Variants in KCND2 observed in about 807,000 individuals in gnomAD.
KCND2 encodes the protein potassium voltage-gated channel subfamily D member 2.
Under a neutral mutation model 54.4 loss-of-function variants are expected in KCND2, and 16 were observed. The ratio of observed to expected loss-of-function variants is 0.29; its 90% CI spans 0.20 to 0.45. The LOEUF is 0.45. KCND2 is among the 20% of genes least tolerant of loss of function. KCND2 has a pLI of 1.00. For synonymous variants in KCND2, 317 were observed against 310.7 expected (o/e 1.02, Z -0.21); for missense variants, 486 against 824.2 (o/e 0.59, Z 5.02).
intron 1 of KCND2, among the ~76,000 whole-genome samples, chr7:120,645,326 G>C (rs1286506818): frequency 6.6e-5 from 10 of 152,060 alleles, no homozygotes. Context: ...TTAATATAGG[G>C]TTCTGTGGCC....
chr7:120,437,733 A>T (rs755208904), intron 1 of KCND2, among the ~76,000 whole-genome samples: 3 of 152,242 alleles, frequency 2.0e-5, no homozygotes, highest in African/African-American at 4.8e-5. Flanking sequence ...ACTGACTGAT[A>T]TAGAATATAT....
intron 2 of KCND2, among the ~76,000 whole-genome samples, chr7:120,737,085 AAAAAAAAAC>A (rs1792883407): frequency 6.7e-6 from 1 of 148,814 alleles, no homozygotes; most frequent in Non-Finnish European, 1.5e-5. Flanking sequence ...CAAACAAAAA[AAAAAAAAAC>A]AAAACAAAAA....
At chr7:120,602,834 A>C (rs1792831623) in intron 1 of KCND2, among the ~76,000 whole-genome samples, 1 of 152,206 alleles carries the variant, frequency 6.6e-6, no homozygotes, top group African/African-American at 2.4e-5. Context: ...AGAAGATAGC[A>C]ATAAAGACTC....
At chr7:120,462,707 C>G (rs1448508393) in intron 1 of KCND2, among the ~76,000 whole-genome samples, 1 of 151,714 alleles carries the variant, frequency 6.6e-6, no homozygotes, top group African/African-American at 2.4e-5. Context: ...ATAATAATTC[C>G]TATTTTTCAT....
chr7:120,698,454 T>C (rs1205269222), intron 1 of KCND2, among the ~76,000 whole-genome samples: 1 of 152,224 alleles, frequency 6.6e-6, no homozygotes, highest in African/African-American at 2.4e-5. Flanking sequence ...AGTGTCCACT[T>C]TACAAGCTTG....
At chr7:120,336,737 A>G (rs1479732780) in intron 1 of KCND2, among the ~76,000 whole-genome samples, 1 of 152,128 alleles carries the variant, frequency 6.6e-6, no homozygotes, top group African/African-American at 2.4e-5. Flanking sequence ...AATCACTTTT[A>G]TGTGTACAGA....
At chr7:120,338,653 A>T (rs1800187506) in intron 1 of KCND2, among the ~76,000 whole-genome samples, 1 of 152,122 alleles carries the variant, frequency 6.6e-6, no homozygotes, top group South Asian at 2.1e-4. Context: ...TAAATTTTAA[A>T]TTATGTTTTA....
At chr7:120,353,056 T>C (rs1225633361) in intron 1 of KCND2, among the ~76,000 whole-genome samples, 1 of 151,270 alleles carries the variant, frequency 6.6e-6, no homozygotes, top group Non-Finnish European at 1.5e-5. Flanking sequence ...GTATTAACCC[T>C]ATACAAATTC....
intron 1 of KCND2, among the ~76,000 whole-genome samples, chr7:120,296,092 T>C (rs1264508968): frequency 6.6e-6 from 1 of 152,150 alleles, no homozygotes; most frequent in Non-Finnish European, 1.5e-5. Flanking sequence ...TTTAAATATG[T>C]TTTTCACATA....
intron 1 of KCND2, among the ~76,000 whole-genome samples, chr7:120,495,392 A>G (rs1271196176): frequency 1.3e-5 from 2 of 151,988 alleles, no homozygotes; most frequent in African/African-American, 2.4e-5. Flanking sequence ...GATGAGACTT[A>G]CTTTATCATT....
In KCND2 at chr7:120,745,876, C is replaced by A; in HGVS notation, c.1564C>A (p.Gln522Lys). 1 of 1,613,890 alleles carries A rather than the reference C, an allele frequency of 6.2e-7. No individual in the cohort carries two copies. The highest frequency in any genetic ancestry group is 8.5e-7 in the Non-Finnish European group (1 of 1,179,836). The change falls in exon 5 of 6, where the codon CAA becomes AAA. Residue 522 changes from glutamine to lysine, a missense_variant. Transcript: ENST00000331113. ...AAGTCACAGTCCTTCACTGTCTTCACAACAAGGAGTCACCAGCACCTGCTG... is the reference window on the plus strand; with the variant it reads ...AAGTCACAGTCCTTCACTGTCTTCAAAACAAGGAGTCACCAGCACCTGCTG... Reference protein sequence around the residue: ...PSSHSPSLSSQQGVTSTCCSR... With the variant: ...PSSHSPSLSSKQGVTSTCCSR...
chr7:120,290,779 T>C (rs573531452), intron 1 of KCND2, among the ~76,000 whole-genome samples: 1 of 152,150 alleles, frequency 6.6e-6, no homozygotes, highest in African/African-American at 2.4e-5. Context: ...TTATTAAAAT[T>C]TGGATGCTTC....
chr7:120,327,835 AT>A (rs1800001611), intron 1 of KCND2, among the ~76,000 whole-genome samples: 4 of 151,698 alleles, frequency 2.6e-5, no homozygotes, highest in African/African-American at 9.7e-5. Flanking sequence ...CTTGGGATTT[AT>A]TTTTTAACTG....
chr7:120,664,076 G>A lies in KCND2; in HGVS notation c.1116-68827G>A, dbSNP rs1791896702. 4.6e-5 allele frequency among the ~76,000 whole-genome samples: 7 copies of A among 152,208 alleles called. No homozygotes were observed. The South Asian group carries it at 1.5e-3, about 32-fold the overall frequency. On this transcript the variant is annotated intron_variant, in intron 1 of 5. Transcript: ENST00000331113. ...GACACTTTTGTGAAGGCATATACCT[G>A]CATGTTTATGCGTGCGCGTGTGCAC...
chr7:120,495,123 G>GT (rs1380585143), intron 1 of KCND2, among the ~76,000 whole-genome samples: 2 of 151,924 alleles, frequency 1.3e-5, no homozygotes, highest in African/African-American at 4.8e-5. Context: ...AAGATGTAAG[G>GT]TTTTTTTAAT....
chr7:120,413,712 G>A (rs1801483637), intron 1 of KCND2, among the ~76,000 whole-genome samples: 1 of 151,958 alleles, frequency 6.6e-6, no homozygotes, highest in African/African-American at 2.4e-5. Context: ...AGATTTTGTA[G>A]TTGATTGGAA....
chr7:120,542,678 T>G, intron 1 of KCND2, among the ~76,000 whole-genome samples: 1 of 152,138 alleles, frequency 6.6e-6, no homozygotes, highest in Non-Finnish European at 1.5e-5. Flanking sequence ...AATTCTTTTA[T>G]TTCTAAATAA....
At chr7:120,431,875 G>A (rs977975834) in intron 1 of KCND2, among the ~76,000 whole-genome samples, 1 of 151,470 alleles carries the variant, frequency 6.6e-6, no homozygotes, top group Non-Finnish European at 1.5e-5. Flanking sequence ...ACACATCCAC[G>A]CACATAATCT....
intron 1 of KCND2, among the ~76,000 whole-genome samples, chr7:120,476,516 A>G (rs1802535549): frequency 6.6e-6 from 1 of 152,208 alleles, no homozygotes; most frequent in Non-Finnish European, 1.5e-5. Context: ...TGTGGCGCTA[A>G]CTAGCCACAC....
Sources: gnomAD v4.1 joint callset for allele counts (sites outside exome capture counted in the v4.1 genomes callset) on GRCh38, gnomAD v4.1.1 for gene constraint, MANE v1.5 for transcripts, NCBI Gene and HGNC (gene_info 2026-07-23, HGNC 2026-07-21) for gene names.